GAREM1: variants seen among roughly 807,000 people sequenced by gnomAD.
GAREM1 encodes GRB2-associated and regulator of MAPK protein 1.
GAREM1 carries 26 observed loss-of-function variants against 71.3 expected under a neutral mutation model. The observed-to-expected ratio is 0.36, with a 90% CI of 0.27 to 0.51. The LOEUF (loss-of-function observed/expected upper bound fraction) is 0.51, where lower values mean the gene tolerates loss of function less well. Ranked by LOEUF, GAREM1 falls within the 20% of genes least tolerant of loss-of-function variation. GAREM1 has a pLI of 0.95. For missense variants in GAREM1, 1,026 were observed against 1,103.1 expected, an observed-to-expected ratio of 0.93 and a Z score of 0.99; for synonymous variants, 440 against 433.2, an observed-to-expected ratio of 1.02 and a Z score of -0.20.
At chr18:32,360,357 T>C (rs977315848) in intron 2 of GAREM1, among the ~76,000 whole-genome samples, 2 of 152,168 alleles carry the variant, frequency 1.3e-5, no homozygotes, top group Non-Finnish European at 2.9e-5. Flanking sequence ...CTAACTGTCA[T>C]ATCATGGACA....
At chr18:32,371,344 C>T (rs767219308) in intron 2 of GAREM1, among the ~76,000 whole-genome samples, 19 of 151,878 alleles carry the variant, frequency 1.3e-4, no homozygotes, top group Non-Finnish European at 1.9e-4. Context: ...TTTTAAATAC[C>T]GAGGATTTAA....
intron 3 of GAREM1, among the ~76,000 whole-genome samples, chr18:32,308,226 C>A (rs577172278): frequency 7.5e-6 from 1 of 133,840 alleles, no homozygotes; most frequent in Admixed American, 7.2e-5. Flanking sequence ...CTCTATTAAA[C>A]ACATTTTAAT....
intron 2 of GAREM1, among the ~76,000 whole-genome samples, chr18:32,392,192 T>G (rs2048207931): frequency 6.7e-6 from 1 of 150,096 alleles, no homozygotes; most frequent in South Asian, 2.1e-4. Flanking sequence ...AAAAAGCATA[T>G]GGTAACATAA....
intron 2 of GAREM1, chr18:32,331,554 C>G (rs769492406): frequency 6.6e-6 from 1 of 152,164 alleles, no homozygotes; most frequent in Non-Finnish European, 1.5e-5. Context: ...GTCACATACA[C>G]TAGTAGTTTT....
chr18:32,468,615 G>T (rs1415449331), intron 1 of GAREM1, among the ~76,000 whole-genome samples: 5 of 152,160 alleles, frequency 3.3e-5, no homozygotes, highest in African/African-American at 1.2e-4. Context: ...TCCTTTTTAT[G>T]AATGGCAGGG....
intron 2 of GAREM1, among the ~76,000 whole-genome samples, chr18:32,336,928 T>C (rs1047820285): frequency 3.4e-4 from 52 of 152,208 alleles, no homozygotes; most frequent in African/African-American, 1.1e-3. Flanking sequence ...TTAGTGGCTG[T>C]CTGTAAAACA....
At chr18:32,317,330 A>G (rs1284047533) in intron 2 of GAREM1, among the ~76,000 whole-genome samples, 1 of 148,834 alleles carries the variant, frequency 6.7e-6, no homozygotes, top group Non-Finnish European at 1.5e-5. Context: ...GCTTGAACCC[A>G]GGAGGCATAG....
intron 1 of GAREM1, among the ~76,000 whole-genome samples, chr18:32,429,003 TTA>T (rs2048600067): frequency 6.6e-6 from 1 of 152,148 alleles, no homozygotes; most frequent in Admixed American, 6.6e-5. Context: ...CAGAATGAAT[TTA>T]TGTTTCTTTA....
At chr18:32,300,267 C>G (rs1274271547) in intron 3 of GAREM1, among the ~76,000 whole-genome samples, 2 of 152,182 alleles carry the variant, frequency 1.3e-5, no homozygotes, top group African/African-American at 2.4e-5. Context: ...GATGGTCTCT[C>G]TGTCATTATT....
chr18:32,375,093 A>G (rs1190171828), intron 2 of GAREM1, among the ~76,000 whole-genome samples: 2 of 152,208 alleles, frequency 1.3e-5, no homozygotes, highest in Non-Finnish European at 2.9e-5. Context: ...CACACTAAAT[A>G]TATGTATGTA....
chr18:32,362,804 G>A (rs762550513), intron 2 of GAREM1, among the ~76,000 whole-genome samples: 46 of 152,324 alleles, frequency 3.0e-4, no homozygotes, highest in Non-Finnish European at 5.3e-4. Flanking sequence ...TATCAGCCAT[G>A]TTTGCATTTG....
chr18:32,346,574 A>G (rs2047698808), intron 2 of GAREM1, among the ~76,000 whole-genome samples: 1 of 152,182 alleles, frequency 6.6e-6, no homozygotes, highest in African/African-American at 2.4e-5. Flanking sequence ...TTCCAATACA[A>G]CCAAAGGATT....
chr18:32,436,628 A>G (rs2048681773), intron 1 of GAREM1, among the ~76,000 whole-genome samples: 2 of 152,208 alleles, frequency 1.3e-5, no homozygotes, highest in South Asian at 4.1e-4. Flanking sequence ...CATTATTAGG[A>G]GTGTTTAAGC....
chr18:32,319,406 T>G (rs145041984), intron 2 of GAREM1, among the ~76,000 whole-genome samples: 522 of 152,360 alleles, frequency 3.4e-3, no homozygotes, highest in Middle Eastern at 6.8e-3. Context: ...GATGAAAATG[T>G]AAAAGTAGGA....
At chr18:32,407,981 T>A (rs78307104) in intron 1 of GAREM1, among the ~76,000 whole-genome samples, 17,934 of 150,900 alleles carry the variant, frequency 0.12, 1,120 homozygotes, top group African/African-American at 0.16. Flanking sequence ...GTCTTTTTTT[T>A]TTAAAAAAAA....
intron 3 of GAREM1, among the ~76,000 whole-genome samples, chr18:32,308,459 ATTTC>A (rs747108321): frequency 6.0e-5 from 9 of 150,200 alleles, no homozygotes; most frequent in Non-Finnish European, 1.0e-4. Context: ...TTTACATTTG[ATTTC>A]TTTATTAGCA....
chr18:32,451,083 G>A lies in GAREM1; in HGVS notation c.121+19225C>T, dbSNP rs535593844. Among the ~76,000 whole-genome samples, 4 of 152,242 alleles carry A rather than the reference G, an allele frequency of 2.6e-5. No individual in the cohort carries two copies. The South Asian group carries it at 8.3e-4, about 32-fold the overall frequency. ...CAGAACCACTTGAGCCTGGGAGGCT[G>A]AGGCTGCAGTGAGTCATGATGGTGC... is the stretch of plus-strand genomic sequence containing the variant. On this transcript the variant is annotated intron_variant, in intron 1 of 5. Transcript: ENST00000269209.
In GAREM1 at chr18:32,268,702, T is replaced by C; in HGVS notation, c.1800A>G (p.Arg600=). 1.9e-6 allele frequency: 3 copies of C among 1,614,124 alleles called. No homozygotes were observed. The highest frequency in any genetic ancestry group is 2.5e-6 in the Non-Finnish European group (3 of 1,180,010). ...TCAGGTCCACAGAATCAGTTTTCAC[T>C]CGGTTACATGGATAGCAGGAAACAG... The part of the protein sequence containing the change: ...STPVSCYPCN[R]VKTDSVDLKS... Residue 600 remains arginine, a synonymous_variant, in exon 6 of 6, where the codon CGA becomes CGG. Coordinates refer to ENST00000269209, the MANE Select transcript of GAREM1 (RefSeq NM_001242409.2).
intron 1 of GAREM1, among the ~76,000 whole-genome samples, chr18:32,433,153 C>CAA (rs1382585135): frequency 7.2e-6 from 1 of 139,494 alleles, no homozygotes; most frequent in Non-Finnish European, 1.6e-5. Flanking sequence ...CATTAACAGG[C>CAA]AAAAAAAAAA....
Sources: allele counts gnomAD v4.1 joint callset (sites outside exome capture counted in the v4.1 genomes callset), GRCh38; gene constraint gnomAD v4.1.1; transcripts MANE v1.5; gene names NCBI Gene and HGNC (gene_info 2026-07-23, HGNC 2026-07-21).